The following NR3C2 variants were observed in gnomAD, a reference collection of about 807,000 sequenced individuals.
NR3C2 encodes the protein nuclear receptor subfamily 3 group C member 2.
NR3C2 carries 15 observed loss-of-function variants against 86.4 expected under a neutral mutation model. The ratio of observed to expected loss-of-function variants is 0.17; its 90% confidence interval spans 0.12 to 0.27. The LOEUF (loss-of-function observed/expected upper bound fraction) is 0.27, where lower values mean the gene tolerates loss of function less well. NR3C2 is among the 10% of genes least tolerant of loss of function. The pLI is 1.00. For missense variants in NR3C2, 960 were observed against 1,195.6 expected (o/e 0.80, Z 2.91); for synonymous variants, 458 against 450.5 (o/e 1.02, Z -0.21).
At chr4:148,142,392 C>T (rs7670229) in intron 6 of NR3C2, among the ~76,000 whole-genome samples, 19,982 of 152,038 alleles carry the variant, frequency 0.13, 1,529 homozygotes, top group South Asian at 0.19. Flanking sequence ...CTAGATCACA[C>T]AGTTTGGTTA....
intron 2 of NR3C2, among the ~76,000 whole-genome samples, chr4:148,378,362 C>A (rs1196137306): frequency 2.0e-5 from 3 of 151,490 alleles, no homozygotes; most frequent in Non-Finnish European, 4.4e-5. Flanking sequence ...AAGATATACA[C>A]CCCACACCCA....
chr4:148,442,987 C>T (rs1750427447), upstream of NR3C2: 2 of 985,072 alleles, frequency 2.0e-6, no homozygotes, highest in African/African-American at 1.7e-5. Context: ...ACCCTGGCGC[C>T]GCCCAACAGC....
intron 2 of NR3C2, among the ~76,000 whole-genome samples, chr4:148,414,358 T>G (rs1187722988): frequency 6.6e-6 from 1 of 152,192 alleles, no homozygotes; most frequent in African/African-American, 2.4e-5. Flanking sequence ...ATTCTGTCTC[T>G]CATTTAAAGA....
intron 4 of NR3C2, among the ~76,000 whole-genome samples, chr4:148,179,708 A>C (rs1735557012): frequency 6.6e-6 from 1 of 151,734 alleles, no homozygotes; most frequent in African/African-American, 2.4e-5. Flanking sequence ...AAGAGTTAAA[A>C]TTTAAAAGAA....
At chr4:148,347,984 G>A (rs944801913) in intron 2 of NR3C2, among the ~76,000 whole-genome samples, 3 of 152,114 alleles carry the variant, frequency 2.0e-5, no homozygotes, top group Non-Finnish European at 4.4e-5. Flanking sequence ...CAAAGAAAGA[G>A]AATACAGCTT....
At chr4:148,338,443 G>C (rs1163447177) in intron 2 of NR3C2, among the ~76,000 whole-genome samples, 2 of 152,148 alleles carry the variant, frequency 1.3e-5, no homozygotes, top group Non-Finnish European at 2.9e-5. Flanking sequence ...AAATAGTAGA[G>C]ATGATGAAAT....
At chr4:148,197,766 T>C (rs1193267343) in intron 3 of NR3C2, among the ~76,000 whole-genome samples, 1 of 152,218 alleles carries the variant, frequency 6.6e-6, no homozygotes, top group African/African-American at 2.4e-5. Flanking sequence ...AGACATGTCA[T>C]TTTCAGAAAA....
chr4:148,120,842 C>T (rs139593961), intron 6 of NR3C2, among the ~76,000 whole-genome samples: 32 of 152,214 alleles, frequency 2.1e-4, no homozygotes, highest in Non-Finnish European at 3.1e-4. Context: ...AAGGTGAGAA[C>T]GTCAAATGGA....
chr4:148,369,899 T>C (rs1159125457), intron 2 of NR3C2, among the ~76,000 whole-genome samples: 1 of 152,216 alleles, frequency 6.6e-6, no homozygotes. Context: ...TCTCTCCATA[T>C]GCTGCAAAGA....
intron 4 of NR3C2, among the ~76,000 whole-genome samples, chr4:148,188,898 G>GTA (rs1411073399): frequency 6.7e-6 from 1 of 148,866 alleles, no homozygotes; most frequent in African/African-American, 2.5e-5. Flanking sequence ...TTACATTAAG[G>GTA]TATATACCTT....
chr4:148,300,112 T>C (rs1487694196), intron 2 of NR3C2, among the ~76,000 whole-genome samples: 1 of 152,210 alleles, frequency 6.6e-6, no homozygotes, highest in African/African-American at 2.4e-5. Flanking sequence ...GCAAACTGGT[T>C]AGTGGCAAAC....
chr4:148,236,583 A>C (rs1738761977), intron 3 of NR3C2, among the ~76,000 whole-genome samples: 1 of 152,188 alleles, frequency 6.6e-6, no homozygotes. Context: ...TACCATAAAT[A>C]AAATATTTGA....
At chr4:148,090,321 A>C (rs1731003604) in intron 8 of NR3C2, among the ~76,000 whole-genome samples, 1 of 152,166 alleles carries the variant, frequency 6.6e-6, no homozygotes, top group Non-Finnish European at 1.5e-5. Flanking sequence ...TTGGCACATG[A>C]CCTGAAGGTC....
intron 2 of NR3C2, among the ~76,000 whole-genome samples, chr4:148,321,501 G>T (rs1166814004): frequency 6.6e-6 from 1 of 151,984 alleles, no homozygotes; most frequent in Admixed American, 6.5e-5. Flanking sequence ...CATTATTAAT[G>T]TGTGGGAGTC....
intron 6 of NR3C2, among the ~76,000 whole-genome samples, chr4:148,140,391 C>T (rs1345763225): frequency 6.6e-6 from 1 of 152,040 alleles, no homozygotes; most frequent in Non-Finnish European, 1.5e-5. Context: ...AGAAATTAGC[C>T]AGTTTGGTGG....
intron 2 of NR3C2, among the ~76,000 whole-genome samples, chr4:148,363,359 C>G: frequency 6.6e-6 from 1 of 152,202 alleles, no homozygotes; most frequent in East Asian, 1.9e-4. Context: ...TCAGAACACA[C>G]CTTCCTTCCA....
intron 2 of NR3C2, among the ~76,000 whole-genome samples, chr4:148,370,442 T>A (rs1746359733): frequency 6.6e-6 from 1 of 152,252 alleles, no homozygotes. Context: ...TTTCTGTGAA[T>A]GTAATCATGA....
chr4:148,226,660 C>T (rs1236823244), intron 3 of NR3C2, among the ~76,000 whole-genome samples: 2 of 152,134 alleles, frequency 1.3e-5, no homozygotes, highest in Non-Finnish European at 2.9e-5. Flanking sequence ...AACTGACAAG[C>T]TATTTGCTAA....
Position 148,435,949 on chromosome 4 carries a change from G to C in NR3C2, c.912C>G (p.Asn304Lys). 1.2e-6 allele frequency: 2 copies of C among 1,614,188 alleles called. No individual in the cohort carries two copies. Among genetic ancestry groups the C allele is most frequent in the Non-Finnish European group, 8.5e-7 (1 of 1,180,038 alleles). Residue 304 changes from asparagine (N) to lysine (K), a missense_variant, in exon 2 of 9, where the codon AAC (asparagine) becomes AAG (lysine). Coordinates refer to ENST00000358102, the MANE Select transcript of NR3C2 (RefSeq NM_000901.5). ...RSSVSSPANI[N>K]NSRCSVSSPS... ...GGCTGGAAACAGAGCACCTTGAGTT[G>C]TTAATATTTGCAGGGCTAGACACAG...
Sources: allele counts gnomAD v4.1 joint callset (sites outside exome capture counted in the v4.1 genomes callset), GRCh38; gene constraint gnomAD v4.1.1; transcripts MANE v1.5; gene names NCBI Gene and HGNC (gene_info 2026-07-23, HGNC 2026-07-21).